ADD1: variants seen among roughly 807,000 people sequenced by gnomAD.
The protein encoded by ADD1 is adducin 1, also known as alpha-adducin.
In ADD1, 24 loss-of-function variants were observed where a neutral mutation model predicts 80.5. That is an observed-to-expected ratio of 0.30 (90% CI 0.22 to 0.42). ADD1 has a LOEUF of 0.42. ADD1 is among the 10% of genes least tolerant of loss of function. ADD1 has a pLI of 1.00. For missense variants in ADD1, 948 were observed against 1,019.0 expected (o/e 0.93, Z 0.95); for synonymous variants, 373 against 393.8 (o/e 0.95, Z 0.63).
rs1711719739 is a variant in ADD1 at position 2,926,657 on chromosome 4, G to C, written c.2047+545G>C. 6.2e-7 allele frequency: 1 copy of C among 1,613,860 alleles called. No individual in the cohort carries two copies. The highest frequency in any genetic ancestry group is 1.7e-5 in the Admixed American group (1 of 59,998). On this transcript the variant is annotated intron_variant, in intron 15 of 15. Transcript: ENST00000683351. The surrounding 1 kb of genome is among the most constrained non-coding windows in gnomAD (Gnocchi z 5.0). ...TCACAAGCAGGAGACGGATGCGCTA[G>C]AGAGTACCTGTTACCCTAGTAAGTA...
In ADD1 at chr4:2,926,875, G is replaced by C. The variant is rs1407476444; in HGVS notation, c.2047+763G>C. On this transcript the variant is annotated intron_variant, in intron 15 of 15. Coordinates refer to ENST00000683351, the MANE Select transcript of ADD1 (RefSeq NM_001354761.2). This position sits in a 1 kb window ranked among gnomAD's most constrained non-coding sequence, Gnocchi z 5.0. Reference sequence around the variant, plus strand: ...TGCTGTGCTGCCTTCAGCGGCAGCGGGTACCTCCACGCACCTAGGTGCCAT... The same window carrying C: ...TGCTGTGCTGCCTTCAGCGGCAGCGCGTACCTCCACGCACCTAGGTGCCAT... 6.6e-6 allele frequency among the ~76,000 whole-genome samples: 1 copy of C among 152,210 alleles called. No homozygotes were observed. Among genetic ancestry groups the C allele is most frequent in the African/African-American group, 2.4e-5 (1 of 41,454 alleles).
At chr4:2,852,151 T>C (rs1217804974) in intron 1 of ADD1, among the ~76,000 whole-genome samples, 1 of 80,168 alleles carries the variant, frequency 1.2e-5, no homozygotes, top group Non-Finnish European at 2.4e-5. Context: ...TCTTTCTTTC[T>C]TTCTTTCTTT....
At chr4:2,911,971 A>G (rs1228067030) in intron 13 of ADD1, among the ~76,000 whole-genome samples, 1 of 152,216 alleles carries the variant, frequency 6.6e-6, no homozygotes, top group South Asian at 2.1e-4. Flanking sequence ...GGACTCTCTC[A>G]GTGACCTGTG....
At chr4:2,882,732 A>C (rs56975682) in intron 3 of ADD1, among the ~76,000 whole-genome samples, 3,056 of 152,314 alleles carry the variant, frequency 0.02, 65 homozygotes, top group African/African-American at 0.047. Context: ...ATAGCATTCA[A>C]CAGATCTGAT....
rs556312325 is a variant in ADD1 at position 2,928,369 on chromosome 4, C to A, written c.2246C>A (p.Pro749Gln). Residue 749 changes from proline (P) to glutamine (Q), a missense_variant, in exon 16 of 16, where the codon CCG (proline) becomes CAG (glutamine). Transcript: ENST00000683351. ...CCCGAGCCAGCCCCAGACCCAGCCC[C>A]GGTGGCTGAAGAGGCTGCCCCCTCA... ...ASPEPAPDPA[P>Q]VAEEAAPSAV... 1.2e-6 allele frequency: 2 copies of A among 1,613,408 alleles called. No homozygotes were observed. Among genetic ancestry groups the A allele is most frequent in the African/African-American group, 2.7e-5 (2 of 74,868 alleles).
At chr4:2,876,411 C>A (rs542634983) in intron 2 of ADD1, 25 of 201,520 alleles carry the variant, frequency 1.2e-4, no homozygotes, top group African/African-American at 5.8e-4. Flanking sequence ...TAAAAAAATA[C>A]CTAGCTTAGG....
At chr4:2,878,546 C>T (rs988123761) in intron 2 of ADD1, among the ~76,000 whole-genome samples, 1 of 151,986 alleles carries the variant, frequency 6.6e-6, no homozygotes, top group Non-Finnish European at 1.5e-5. Flanking sequence ...ACTGATAGCA[C>T]CTAGTGTGTG....
intron 1 of ADD1, among the ~76,000 whole-genome samples, chr4:2,849,704 G>C (rs1204868620): frequency 6.6e-6 from 1 of 152,198 alleles, no homozygotes; most frequent in African/African-American, 2.4e-5. Flanking sequence ...GATTTAGGGA[G>C]TTCCTTACCT....
intron 15 of ADD1, 143 bp from the exon 16 acceptor site, chr4:2,928,028 A>G: frequency 1.3e-6 from 1 of 753,620 alleles, no homozygotes; most frequent in Non-Finnish European, 2.2e-6. Context: ...AGTAGAGTAG[A>G]CCATATTTTA....
chr4:2,896,478 G>T (rs1735250460), intron 6 of ADD1, among the ~76,000 whole-genome samples: 1 of 152,046 alleles, frequency 6.6e-6, no homozygotes. Context: ...CAAAGTGCTG[G>T]GATTACAGGC....
chr4:2,914,894 T>C lies in ADD1; in HGVS notation c.1802T>C (p.Val601Ala). ...GCCTTTCATCCACAGGGAGAGCTGG[T>C]GACGGCCTCCAAGGCCATCATTGAA... ...KSLSFRKGEL[V>A]TASKAIIEKE... Residue 601 changes from valine (V) to alanine (A), a missense_variant, in exon 14 of 16, where the codon GTG (valine) becomes GCG (alanine). Coordinates refer to ENST00000683351, the MANE Select transcript of ADD1 (RefSeq NM_001354761.2). 1 of 1,611,366 alleles carries C rather than the reference T, an allele frequency of 6.2e-7. No individual in the cohort carries two copies. Among genetic ancestry groups the C allele is most frequent in the Non-Finnish European group, 8.5e-7 (1 of 1,178,578 alleles).
In ADD1 at chr4:2,898,452, A is replaced by G; in HGVS notation, c.905A>G (p.His302Arg). ...CCTCAGGTTCTTATTCTCCGGAACC[A>G]TGGGCTCGTGTCAGTTGGAGAGAGC... ...PKSKVLILRN[H>R]GLVSVGESVE... The change falls in exon 8 of 16, where the codon CAT (histidine) becomes CGT (arginine). Residue 302 changes from histidine to arginine, a missense_variant. By Grantham distance (29) the His-to-Arg change is conservative. Transcript: ENST00000683351. 10 of 1,614,224 alleles carry G rather than the reference A, an allele frequency of 6.2e-6. No homozygotes were observed. Among genetic ancestry groups the G allele is most frequent in the Non-Finnish European group, 8.5e-6 (10 of 1,180,038 alleles).
chr4:2,860,404 G>C (rs558019166), intron 1 of ADD1, among the ~76,000 whole-genome samples: 1 of 152,318 alleles, frequency 6.6e-6, no homozygotes, highest in African/African-American at 2.4e-5. Flanking sequence ...GCGAACTTGT[G>C]AGTGAAATTT....
chr4:2,906,393 CAAA>C (rs111722982), intron 10 of ADD1, among the ~76,000 whole-genome samples: 2 of 137,556 alleles, frequency 1.5e-5, no homozygotes, highest in Non-Finnish European at 3.2e-5. Flanking sequence ...CGTTATAAAA[CAAA>C]AAAAAAAAAC....
At chr4:2,844,703 C>G (rs2108759442) in intron 1 of ADD1, 1 of 152,310 alleles carries the variant, frequency 6.6e-6, no homozygotes, top group Middle Eastern at 3.4e-3. Flanking sequence ...TATGCATACC[C>G]ACCTTGAAAA....
At chr4:2,851,787 T>A (rs1418448412) in intron 1 of ADD1, among the ~76,000 whole-genome samples, 3 of 152,178 alleles carry the variant, frequency 2.0e-5, no homozygotes, top group Non-Finnish European at 4.4e-5. Context: ...TGATGTTAAT[T>A]GACCAGTCTT....
intron 4 of ADD1, 31 bp downstream of exon 4, chr4:2,884,697 A>G (rs1463416513): frequency 7.8e-6 from 12 of 1,544,884 alleles, no homozygotes; most frequent in Middle Eastern, 1.7e-4. Context: ...TAACTGAACG[A>G]TAAATGAAAT....
chr4:2,856,741 C>T (rs528103637), intron 1 of ADD1, among the ~76,000 whole-genome samples: 109 of 150,026 alleles, frequency 7.3e-4, no homozygotes, highest in Admixed American at 2.1e-3. Flanking sequence ...CAGGCGTGCA[C>T]CACCATATCT....
At chr4:2,878,504 A>C (rs1184711323) in intron 2 of ADD1, among the ~76,000 whole-genome samples, 1 of 152,072 alleles carries the variant, frequency 6.6e-6, no homozygotes, top group Non-Finnish European at 1.5e-5. Flanking sequence ...AGTAAAAATG[A>C]CTCGGGATAG....
Sources: allele counts gnomAD v4.1 joint callset (sites outside exome capture counted in the v4.1 genomes callset), GRCh38; gene constraint gnomAD v4.1.1; non-coding constraint Gnocchi (gnomAD v3.1); transcripts MANE v1.5; gene names NCBI Gene and HGNC (gene_info 2026-07-23, HGNC 2026-07-21).